CBLB: variants seen among roughly 807,000 people sequenced by gnomAD.
CBLB encodes the protein E3 ubiquitin-protein ligase CBL-B.
In CBLB, 31 loss-of-function variants were observed where a neutral mutation model predicts 104.9. The observed-to-expected ratio is 0.30, with a 90% CI of 0.22 to 0.40. The LOEUF (loss-of-function observed/expected upper bound fraction) is 0.40, where lower values mean the gene tolerates loss of function less well. Among genes scored for constraint, CBLB ranks in the 10% least tolerant of loss-of-function variants. The pLI, the probability that CBLB is intolerant of heterozygous loss-of-function variation, is 1.00. For missense variants in CBLB, 1,062 were observed against 1,214.6 expected, an observed-to-expected ratio of 0.87 and a Z score of 1.87; for synonymous variants, 440 against 422.6, an observed-to-expected ratio of 1.04 and a Z score of -0.51.
intron 3 of CBLB, among the ~76,000 whole-genome samples, chr3:105,798,637 T>C (rs1027588469): frequency 2.1e-4 from 32 of 152,190 alleles, no homozygotes; most frequent in African/African-American, 7.2e-4. Context: ...TTTAAGTCTG[T>C]TTTTCCTCCC....
At chr3:105,723,229 A>G in intron 9 of CBLB, among the ~76,000 whole-genome samples, 1 of 152,208 alleles carries the variant, frequency 6.6e-6, no homozygotes. Context: ...GAATGTCTTC[A>G]ATACAATAAT....
In CBLB at chr3:105,675,598, A is replaced by G. The variant is rs560988274; in HGVS notation, c.2569+2833T>C. Among the ~76,000 whole-genome samples, 4 of 152,200 alleles carry G rather than the reference A, an allele frequency of 2.6e-5. No homozygotes were observed. The South Asian group carries it at 8.3e-4, about 32-fold the overall frequency. ...AATAATTGTCACAATGAAAGTCATA[A>G]AGGGGCTGGGTGCAGTGGTTCACGC... On this transcript the variant is annotated intron_variant, in intron 17 of 18. Transcript: ENST00000394030.
chr3:105,824,157 A>G (rs181112105), intron 3 of CBLB: 2 of 152,074 alleles, frequency 1.3e-5, no homozygotes, highest in Non-Finnish European at 2.9e-5. Context: ...GCATTCCCCA[A>G]ACTCCAGGTT....
intron 10 of CBLB, among the ~76,000 whole-genome samples, chr3:105,716,180 C>T (rs2071835844): frequency 6.6e-6 from 1 of 152,058 alleles, no homozygotes; most frequent in Non-Finnish European, 1.5e-5. Context: ...GTCAAAATGA[C>T]CATGTGACAT....
chr3:105,829,143 C>A (rs761266202), intron 3 of CBLB, among the ~76,000 whole-genome samples: 10 of 151,636 alleles, frequency 6.6e-5, no homozygotes, highest in Non-Finnish European at 1.0e-4. Context: ...GAAATATTCC[C>A]CAAAGTAATG....
chr3:105,770,245 G>A (rs2078707695), intron 4 of CBLB, among the ~76,000 whole-genome samples: 1 of 152,116 alleles, frequency 6.6e-6, no homozygotes, highest in Non-Finnish European at 1.5e-5. Context: ...AAAGAATTGG[G>A]AGGCTATAGC....
chr3:105,739,224 T>G (rs2075280611), intron 7 of CBLB, among the ~76,000 whole-genome samples: 1 of 152,244 alleles, frequency 6.6e-6, no homozygotes, highest in African/African-American at 2.4e-5. Context: ...GCTCATAGGT[T>G]TTTAGAAATT....
Position 105,759,512 on chromosome 3 carries a change from C to T in CBLB, c.567-7894G>A, listed in dbSNP as rs577616605. ...GTGGAGGGTCACCTGCAGGCCCATGCGGAGCTACCCTCAGCCCAACCCCGT... is the reference window on the plus strand; with the variant it reads ...GTGGAGGGTCACCTGCAGGCCCATGTGGAGCTACCCTCAGCCCAACCCCGT... On this transcript the variant is annotated intron_variant, in intron 4 of 18. Transcript: ENST00000394030. Among the ~76,000 whole-genome samples the T allele has an allele frequency of 1.9e-4, 29 of 152,310 alleles. 1 individual carries two copies. Among genetic ancestry groups the T allele is most frequent in the African/African-American group, 5.3e-4 (22 of 41,572 alleles).
At chr3:105,800,627 G>A (rs1455428663) in intron 3 of CBLB, among the ~76,000 whole-genome samples, 2 of 151,994 alleles carry the variant, frequency 1.3e-5, no homozygotes, top group Non-Finnish European at 2.9e-5. Context: ...GCAGGTTGTT[G>A]ACAATAACCT....
chr3:105,683,848 AT>A (rs1411957801), intron 14 of CBLB, among the ~76,000 whole-genome samples: 5 of 152,198 alleles, frequency 3.3e-5, no homozygotes, highest in African/African-American at 1.2e-4. Context: ...TTTTAAAAAA[AT>A]AAAGTCCTGC....
chr3:105,664,008 T>G lies in CBLB; in HGVS notation c.2690-4779A>C, dbSNP rs565946629. Reference sequence around the variant, plus strand: ...TCTACATAACCTCCATTTAAAGAACTGAGGATATTTCATTTCAGTGGCTGT... The same window carrying G: ...TCTACATAACCTCCATTTAAAGAACGGAGGATATTTCATTTCAGTGGCTGT... On this transcript the variant is annotated intron_variant, in intron 18 of 18. Coordinates refer to ENST00000394030, the MANE Select transcript of CBLB (RefSeq NM_170662.5). Among the ~76,000 whole-genome samples, 22 of 152,036 alleles carry G rather than the reference T, an allele frequency of 1.4e-4. No homozygotes were observed. The East Asian group carries it at 4.2e-3, about 29-fold the overall frequency.
At chr3:105,776,626 A>G in intron 3 of CBLB, 84 bp from the exon 4 acceptor site, 2 of 1,261,602 alleles carry the variant, frequency 1.6e-6, no homozygotes, top group Non-Finnish European at 2.3e-6. Flanking sequence ...TATTAAGACA[A>G]ACAATGTTAT....
At chr3:105,746,310 C>G (rs2076092848) in intron 5 of CBLB, among the ~76,000 whole-genome samples, 1 of 152,176 alleles carries the variant, frequency 6.6e-6, no homozygotes, top group Non-Finnish European at 1.5e-5. Flanking sequence ...TCTACACAGC[C>G]TATTCTCGCT....
At chr3:105,777,182 T>C (rs1293384120) in intron 3 of CBLB, among the ~76,000 whole-genome samples, 1 of 152,198 alleles carries the variant, frequency 6.6e-6, no homozygotes, top group Non-Finnish European at 1.5e-5. Context: ...GGACATGACA[T>C]AAAGAGGCAT....
At chr3:105,748,400 A>G (rs2076303967) in intron 5 of CBLB, among the ~76,000 whole-genome samples, 1 of 152,124 alleles carries the variant, frequency 6.6e-6, no homozygotes, top group Non-Finnish European at 1.5e-5. Context: ...CATTGATGCT[A>G]CACATTCCAT....
At chr3:105,665,440 TATACACACACACACAC>T (rs1559735218) in intron 18 of CBLB, among the ~76,000 whole-genome samples, 9 of 70,838 alleles carry the variant, frequency 1.3e-4, no homozygotes, top group Admixed American at 1.5e-4. Flanking sequence ...TATATATATA[TATACACACACACACAC>T]ATATATATAC....
At position 105,868,867 on chromosome 3, in the gene CBLB, C is replaced by G. The variant is rs1043729307; in HGVS notation, c.-146G>C. 9.9e-7 allele frequency: 1 copy of G among 1,012,594 alleles called. No homozygotes were observed. The highest frequency in any genetic ancestry group is 5.9e-5 in the Admixed American group (1 of 16,812). 62.7% of individuals were successfully genotyped at this position (1,012,594 alleles called of 1,614,324 possible). A position where few individuals can be genotyped will look rare whatever the true frequency, so the allele number is the denominator to read the frequency against. ...GAACAGCTCGCTCCCGAAGAAGGAG[C>G]AACCCAGCGCGCAGGCCTCCGAGAC... is the stretch of plus-strand genomic sequence containing the variant. On this transcript the variant is annotated 5_prime_UTR_variant, in exon 1 of 19. Coordinates refer to ENST00000394030, the MANE Select transcript of CBLB (RefSeq NM_170662.5).
intron 3 of CBLB, among the ~76,000 whole-genome samples, chr3:105,782,625 G>A (rs1485349495): frequency 7.7e-6 from 1 of 130,698 alleles, no homozygotes; most frequent in Non-Finnish European, 1.6e-5. Flanking sequence ...TCACTCTATT[G>A]CCCAGGCTGG....
At chr3:105,678,004 T>C (rs1337395228) in intron 17 of CBLB, among the ~76,000 whole-genome samples, 2 of 152,178 alleles carry the variant, frequency 1.3e-5, no homozygotes, top group Admixed American at 6.5e-5. Context: ...CAAAATCTTA[T>C]GTTTTGAACA....
Sources: allele counts gnomAD v4.1 joint callset (sites outside exome capture counted in the v4.1 genomes callset), GRCh38; gene constraint gnomAD v4.1.1; transcripts MANE v1.5; gene names NCBI Gene and HGNC (gene_info 2026-07-23, HGNC 2026-07-21).